The following CLEC4F variants were observed in gnomAD, a reference collection of about 807,000 sequenced individuals.
CLEC4F encodes C-type lectin domain family 4 member F.
Under a neutral mutation model 53.4 loss-of-function variants are expected in CLEC4F, and 45 were observed. The observed-to-expected ratio is 0.84, with a 90% CI of 0.66 to 1.08. CLEC4F has a LOEUF of 1.08. Among genes scored for constraint, CLEC4F ranks in the 50% least tolerant of loss-of-function variants. The pLI, the probability that CLEC4F is intolerant of heterozygous loss-of-function variation, is 0.00. For missense variants in CLEC4F, 753 were observed against 698.2 expected (o/e 1.08, Z -0.88); for synonymous variants, 245 against 257.5 (o/e 0.95, Z 0.46).
intron 5 of CLEC4F, chr2:70,810,961 A>C (rs1190951064): frequency 1.6e-5 from 9 of 559,396 alleles, no homozygotes. Flanking sequence ...CCAATGATGA[A>C]AATAAACATG....
chr2:70,824,855 A>T (rs1190583222), upstream of CLEC4F, among the ~76,000 whole-genome samples: 1 of 152,224 alleles, frequency 6.6e-6, no homozygotes, highest in Non-Finnish European at 1.5e-5. Flanking sequence ...TAGGGCAGAA[A>T]ATGTCCAAAT....
rs1553395791 is a variant in CLEC4F at position 70,816,211 on chromosome 2, T to C, written c.1170A>G (p.Ile390Met). ...TCTTCATTCCTTGTTTTAGGGTCTG[T>C]ATCTCTCTGCTGGCATTTTTCATAT... ...NGHMKNASRE[I>M]QTLKQGMKNA... Residue 390 changes from isoleucine to methionine, a missense_variant, in exon 4 of 7, where the codon ATA becomes ATG. Physicochemically the swap from Ile to Met is conservative, Grantham distance 10. Coordinates refer to ENST00000272367, the MANE Select transcript of CLEC4F (RefSeq NM_173535.3). The C allele has an allele frequency of 6.2e-7, 1 of 1,614,216 alleles. No individual in the cohort carries two copies. Among genetic ancestry groups the C allele is most frequent in the Non-Finnish European group, 8.5e-7 (1 of 1,180,034 alleles).
rs782408952 is a variant in CLEC4F at position 70,809,745 on chromosome 2, T to C, written c.1652A>G (p.Asn551Ser). 8 of 1,613,542 alleles carry C rather than the reference T, an allele frequency of 5.0e-6. No individual in the cohort carries two copies. Among genetic ancestry groups the C allele is most frequent in the African/African-American group, 2.7e-5 (2 of 74,932 alleles). The change falls in exon 6 of 7, where the codon AAC becomes AGC. Residue 551 changes from asparagine (N) to serine (S), a missense_variant. Coordinates refer to ENST00000272367, the MANE Select transcript of CLEC4F (RefSeq NM_173535.3). The stretch of plus-strand genomic sequence containing the variant: ...AGATGGTGGCTAGACTCACGCTTTG[T>C]TCTGGGCGGCGTTGAATGGTGTCCC... ...TDGTPFNAAQ[N>S]KAPGSKGSCP...
rs1405982045 is a variant in CLEC4F at position 70,816,588 on chromosome 2, T to C, written c.793A>G (p.Asn265Asp). ...YVLRGHLDSV[N>D]DLRTQNQVLR... is the part of the protein sequence containing the mutation. ...ACCTGGTTCTGGGTCCTCAAGTCAT[T>C]GACACTATCTAGATGGCCTCTCAAA... Residue 265 changes from asparagine to aspartate, a missense_variant, in exon 4 of 7, where the codon AAT becomes GAT. Coordinates refer to ENST00000272367, the MANE Select transcript of CLEC4F (RefSeq NM_173535.3). 6.2e-7 allele frequency: 1 copy of C among 1,613,976 alleles called. No individual in the cohort carries two copies. Among genetic ancestry groups the C allele is most frequent in the Non-Finnish European group, 8.5e-7 (1 of 1,180,042 alleles).
At position 70,816,260 on chromosome 2, in the gene CLEC4F, G is replaced by T; in HGVS notation, c.1121C>A (p.Ala374Asp). The T allele has an allele frequency of 1.2e-6, 2 of 1,614,174 alleles. No homozygotes were observed. The highest frequency in any genetic ancestry group is 1.7e-6 in the Non-Finnish European group (2 of 1,180,030). The stretch of plus-strand genomic sequence containing the variant: ...ATGACCATTTAAGACCTGAATCTGG[G>T]CATTTAAGGTATTCACATTTTCCAT... The part of the protein sequence containing the change: ...SEMENVNTLN[A>D]QIQVLNGHMK... Residue 374 changes from alanine to aspartate, a missense_variant, in exon 4 of 7, where the codon GCC becomes GAC. Physicochemically the swap from Ala to Asp is moderately radical, Grantham distance 126. Coordinates refer to ENST00000272367, the MANE Select transcript of CLEC4F (RefSeq NM_173535.3).
Position 70,809,103 on chromosome 2 carries a change from T to C in CLEC4F, c.*168A>G, listed in dbSNP as rs1227688402. 6.5e-7 allele frequency: 1 copy of C among 1,550,114 alleles called. No individual in the cohort carries two copies. On this transcript the variant is annotated 3_prime_UTR_variant, in exon 7 of 7. Coordinates refer to ENST00000272367, the MANE Select transcript of CLEC4F (RefSeq NM_173535.3). The stretch of plus-strand genomic sequence containing the variant: ...ACCCGAAGACAACAGGGCTTTATAC[T>C]GTTAGATGAAGGCAGCATCCCTTCC...
chr2:70,814,917 G>A (rs553147569), intron 4 of CLEC4F, among the ~76,000 whole-genome samples: 26 of 152,028 alleles, frequency 1.7e-4, no homozygotes, highest in African/African-American at 6.0e-4. Flanking sequence ...CGATTCCAGT[G>A]TGCCCCCAAA....
intron 6 of CLEC4F, 145 bp from the exon 7 acceptor site, chr2:70,809,527 C>A: frequency 1.1e-6 from 1 of 922,764 alleles, no homozygotes; most frequent in Non-Finnish European, 1.6e-6. Flanking sequence ...GCACACACAT[C>A]ACACACATAC....
At chr2:70,810,929 T>TTATGAATATTGATA (rs1553394069) in intron 5 of CLEC4F, 54 of 537,384 alleles carry the variant, frequency 1.0e-4, no homozygotes, top group African/African-American at 8.5e-4. Context: ...AATGTTTCAT[T>TTATGAATATTGATA]TTCATATTCA....
upstream of CLEC4F, among the ~76,000 whole-genome samples, chr2:70,821,346 C>A (rs1677212306): frequency 1.3e-5 from 2 of 152,180 alleles, no homozygotes; most frequent in Non-Finnish European, 2.9e-5. Flanking sequence ...TAATTTCAGG[C>A]TGGAGGCTGG....
At chr2:70,822,850 T>C (rs112804301), upstream of CLEC4F, among the ~76,000 whole-genome samples, 361 of 152,382 alleles carry the variant, frequency 2.4e-3, 1 homozygote, top group Non-Finnish European at 4.6e-3. Flanking sequence ...TGTCCCATTC[T>C]CATGTCTTTT....
chr2:70,823,445 C>T (rs917696982), upstream of CLEC4F, among the ~76,000 whole-genome samples: 2 of 152,176 alleles, frequency 1.3e-5, no homozygotes, highest in Non-Finnish European at 2.9e-5. Flanking sequence ...TCCCCATACA[C>T]AGGAAGGGCC....
Position 70,817,125 on chromosome 2 carries a change from A to G in CLEC4F, c.269-13T>C. 1 of 1,599,166 alleles carries G rather than the reference A, an allele frequency of 6.3e-7. No homozygotes were observed. The highest frequency in any genetic ancestry group is 1.3e-5 in the African/African-American group (1 of 74,830). On this transcript the variant is annotated splice_polypyrimidine_tract_variant and intron_variant, in intron 3 of 6. Transcript: ENST00000272367. ...AAGTGGTGATGATCTGGAGGGAGGA[A>G]GTGAAGAAGGCAGCCAAAGAGGCCC...
At chr2:70,822,447 A>G (rs958904874), upstream of CLEC4F, among the ~76,000 whole-genome samples, 2 of 151,822 alleles carry the variant, frequency 1.3e-5, no homozygotes, top group Non-Finnish European at 2.9e-5. Flanking sequence ...ATACTGCTTC[A>G]GGGGTTCCTG....
intron 4 of CLEC4F, 141 bp downstream of exon 4, chr2:70,815,853 T>C: frequency 1.1e-6 from 1 of 895,656 alleles, no homozygotes; most frequent in Non-Finnish European, 1.7e-6. Flanking sequence ...TCTCTACAAC[T>C]GCCCAGTTTC....
At chr2:70,823,184 G>A (rs1553398394), upstream of CLEC4F, among the ~76,000 whole-genome samples, 1 of 152,148 alleles carries the variant, frequency 6.6e-6, no homozygotes, top group Non-Finnish European at 1.5e-5. Flanking sequence ...AGAGTGCAGA[G>A]CCACCATTTG....
At chr2:70,818,743 T>G (rs1368272199) in intron 3 of CLEC4F, among the ~76,000 whole-genome samples, 1 of 151,154 alleles carries the variant, frequency 6.6e-6, no homozygotes, top group Non-Finnish European at 1.5e-5. Context: ...CTAAAAACTG[T>G]ACAATTTCCA....
At chr2:70,810,138 C>CTTT (rs144978548) in intron 5 of CLEC4F, among the ~76,000 whole-genome samples, 4 of 143,122 alleles carry the variant, frequency 2.8e-5, no homozygotes, top group East Asian at 2.0e-4. Context: ...AGCTCTCACT[C>CTTT]TTTTTTTTTT....
At chr2:70,824,169 G>A (rs530514228), upstream of CLEC4F, among the ~76,000 whole-genome samples, 114 of 152,078 alleles carry the variant, frequency 7.5e-4, no homozygotes, top group African/African-American at 2.6e-3. Context: ...TTAATAGTAG[G>A]GACAGCTTCT....
Sources: allele counts gnomAD v4.1 joint callset (sites outside exome capture counted in the v4.1 genomes callset), GRCh38; gene constraint gnomAD v4.1.1; transcripts MANE v1.5; gene names NCBI Gene and HGNC (gene_info 2026-07-23, HGNC 2026-07-21).